The following GABRA2 variants were observed in gnomAD, a reference collection of about 807,000 sequenced individuals.
The protein encoded by GABRA2 is gamma-aminobutyric acid type A receptor subunit alpha2.
Under a neutral mutation model 48.7 loss-of-function variants are expected in GABRA2, and 16 were observed. That is an observed-to-expected ratio of 0.33 (90% confidence interval 0.22 to 0.50). The LOEUF is 0.50. Among genes scored for constraint, GABRA2 ranks in the 20% least tolerant of loss-of-function variants. The probability of loss-of-function intolerance (pLI) is 0.98; values close to 1 mark genes in which losing one functional copy is unlikely to be tolerated. For synonymous variants in GABRA2, 185 were observed against 184.5 expected (o/e 1.00, Z -0.02); for missense variants, 275 against 535.6 (o/e 0.51, Z 4.80).
chr4:46,332,756 C>T (rs1020502748), intron 3 of GABRA2, 74 bp from the exon 4 acceptor site: 42 of 886,966 alleles, frequency 4.7e-5, no homozygotes, highest in African/African-American at 3.6e-4. Flanking sequence ...TTTGAGTACA[C>T]GGTATGGTTT....
At chr4:46,325,220 A>G (rs920288850) in intron 4 of GABRA2, among the ~76,000 whole-genome samples, 1 of 151,634 alleles carries the variant, frequency 6.6e-6, no homozygotes, top group Non-Finnish European at 1.5e-5. Flanking sequence ...GTATGTAAGC[A>G]CTCCTTTTTC....
chr4:46,273,404 A>G (rs201782070), intron 8 of GABRA2, among the ~76,000 whole-genome samples: 18 of 82,402 alleles, frequency 2.2e-4, no homozygotes, highest in African/African-American at 3.7e-4. Flanking sequence ...GTGTGTGTGT[A>G]TGTGTATACA....
At chr4:46,270,841 A>G (rs1401693081) in intron 8 of GABRA2, among the ~76,000 whole-genome samples, 1 of 151,936 alleles carries the variant, frequency 6.6e-6, no homozygotes, top group Non-Finnish European at 1.5e-5. Context: ...CGCTGAGAAG[A>G]AAGTCAAACT....
At chr4:46,300,353 T>C (rs1725523275) in intron 8 of GABRA2, among the ~76,000 whole-genome samples, 1 of 151,972 alleles carries the variant, frequency 6.6e-6, no homozygotes, top group Admixed American at 6.6e-5. Context: ...CTTTTCCTTT[T>C]AGAAAATTGT....
At chr4:46,331,307 C>T (rs765399029) in intron 4 of GABRA2, among the ~76,000 whole-genome samples, 4 of 152,276 alleles carry the variant, frequency 2.6e-5, no homozygotes, top group African/African-American at 4.8e-5. Flanking sequence ...TGGGGCCTTA[C>T]ATTTTCAGCC....
chr4:46,251,962 G>T (rs1246469521), intron 9 of GABRA2, among the ~76,000 whole-genome samples: 1 of 151,344 alleles, frequency 6.6e-6, no homozygotes, highest in Non-Finnish European at 1.5e-5. Context: ...TTGGTTACTT[G>T]AATACAAAGT....
chr4:46,291,794 T>TATATATATATATAC (rs1380561727), intron 8 of GABRA2, among the ~76,000 whole-genome samples: 1 of 149,972 alleles, frequency 6.7e-6, no homozygotes, highest in Non-Finnish European at 1.5e-5. Context: ...TATATATACA[T>TATATATATATATAC]ATACATATAT....
chr4:46,318,341 T>C (rs1728890422), intron 4 of GABRA2, among the ~76,000 whole-genome samples: 1 of 151,288 alleles, frequency 6.6e-6, no homozygotes, highest in Non-Finnish European at 1.5e-5. Context: ...TATAGATATA[T>C]AGATACATAA....
chr4:46,318,029 C>T (rs1226909726), intron 4 of GABRA2, among the ~76,000 whole-genome samples: 2 of 151,298 alleles, frequency 1.3e-5, no homozygotes, highest in African/African-American at 4.8e-5. Context: ...AACCAATAGC[C>T]AATGACACAT....
chr4:46,372,828 T>C (rs899032039), intron 3 of GABRA2, among the ~76,000 whole-genome samples: 5 of 152,134 alleles, frequency 3.3e-5, no homozygotes, highest in African/African-American at 9.7e-5. Context: ...TACACCACCC[T>C]CTCTAAGAGG....
chr4:46,330,952 A>G (rs2109804358), intron 4 of GABRA2, among the ~76,000 whole-genome samples: 1 of 152,234 alleles, frequency 6.6e-6, no homozygotes, highest in South Asian at 2.1e-4. Context: ...ATTTACTAGG[A>G]CAAAATTATA....
intron 4 of GABRA2, among the ~76,000 whole-genome samples, chr4:46,330,066 C>G (rs1220737665): frequency 1.3e-5 from 2 of 151,958 alleles, no homozygotes; most frequent in Non-Finnish European, 2.9e-5. Flanking sequence ...CGCATGTATT[C>G]TGAAATATAA....
chr4:46,308,410 T>C (rs112911119), intron 6 of GABRA2, among the ~76,000 whole-genome samples: 2 of 152,238 alleles, frequency 1.3e-5, no homozygotes, highest in African/African-American at 4.8e-5. Context: ...GGCTTTCAAG[T>C]AAGGAAGGAA....
At position 46,262,917 on chromosome 4, in the gene GABRA2, AAGAG is replaced by A. The variant is rs1428493899; in HGVS notation, c.857-793_857-790del. Among the ~76,000 whole-genome samples, 8 of 147,884 alleles carry A rather than the reference AAGAG, an allele frequency of 5.4e-5. No homozygotes were observed. The East Asian group carries it at 1.0e-3, about 19-fold the overall frequency. On this transcript the variant is annotated intron_variant, in intron 8 of 9. Coordinates refer to ENST00000381620, the MANE Select transcript of GABRA2 (RefSeq NM_000807.4). Reference sequence around the variant, plus strand: ...GTTGAAAGAAAGAACGAAAGAAAGAAAGAGAGAGAGAAAGAAAGAAGAAAGAAAG... The same window carrying A: ...GTTGAAAGAAAGAACGAAAGAAAGAAAGAGAGAAAGAAAGAAGAAAGAAAG...
At chr4:46,334,740 A>G (rs1031927808) in intron 3 of GABRA2, among the ~76,000 whole-genome samples, 23 of 152,188 alleles carry the variant, frequency 1.5e-4, no homozygotes, top group Admixed American at 1.3e-4. Context: ...AGAAACACCT[A>G]AGACTCAGAA....
chr4:46,385,347 ATTAAAAT>A (rs1433645912), intron 3 of GABRA2, among the ~76,000 whole-genome samples: 1 of 151,888 alleles, frequency 6.6e-6, no homozygotes, highest in African/African-American at 2.4e-5. Context: ...AAATGTGATC[ATTAAAAT>A]TTAACATATT....
chr4:46,370,395 CAA>C (rs1714702959), intron 3 of GABRA2, among the ~76,000 whole-genome samples: 2 of 151,594 alleles, frequency 1.3e-5, no homozygotes. Context: ...AGTAGAGGGA[CAA>C]AACAAACAAA....
In GABRA2 at chr4:46,328,638, T is replaced by C. The variant is rs940059770; in HGVS notation, c.255+3977A>G. The stretch of plus-strand genomic sequence containing the variant: ...CCCATCATGATAACATTCTTTTTTT[T>C]ATATATATACTTTAAGTTTTAGGGT... On this transcript the variant is annotated intron_variant, in intron 4 of 9. Coordinates refer to ENST00000381620, the MANE Select transcript of GABRA2 (RefSeq NM_000807.4). Among the ~76,000 whole-genome samples, 3 of 151,204 alleles carry C rather than the reference T, an allele frequency of 2.0e-5. No homozygotes were observed. The East Asian group carries it at 5.8e-4, about 29-fold the overall frequency.
At chr4:46,320,249 A>C (rs897226729) in intron 4 of GABRA2, among the ~76,000 whole-genome samples, 1 of 151,870 alleles carries the variant, frequency 6.6e-6, no homozygotes, top group Non-Finnish European at 1.5e-5. Context: ...CACTAGAATT[A>C]AATTGGACAT....
Sources: allele counts gnomAD v4.1 joint callset (sites outside exome capture counted in the v4.1 genomes callset), GRCh38; gene constraint gnomAD v4.1.1; transcripts MANE v1.5; gene names NCBI Gene and HGNC (gene_info 2026-07-23, HGNC 2026-07-21).